The following FBXL7 variants were observed in gnomAD, a reference collection of about 807,000 sequenced individuals.
FBXL7 encodes the protein F-box/LRR-repeat protein 7.
A neutral mutation model predicts 38.3 loss-of-function variants in FBXL7; 12 were observed. That is an observed-to-expected ratio of 0.31 (90% CI 0.20 to 0.51). The LOEUF is 0.51. Ranked by LOEUF, FBXL7 falls within the 20% of genes least tolerant of loss-of-function variation. The pLI is 0.98. For missense variants in FBXL7, 567 were observed against 676.4 expected, an observed-to-expected ratio of 0.84 and a Z score of 1.79; for synonymous variants, 297 against 300.9, an observed-to-expected ratio of 0.99 and a Z score of 0.13.
At chr5:15,923,204 G>A (rs189731285) in intron 2 of FBXL7, among the ~76,000 whole-genome samples, 1 of 152,308 alleles carries the variant, frequency 6.6e-6, no homozygotes, top group Non-Finnish European at 1.5e-5. Context: ...AGAATCAGCA[G>A]CTATTGCCAA....
At chr5:15,932,477 C>T (rs190894461) in intron 3 of FBXL7, among the ~76,000 whole-genome samples, 7 of 152,252 alleles carry the variant, frequency 4.6e-5, no homozygotes, top group African/African-American at 1.2e-4. Context: ...ACTGAAGAAA[C>T]GCCGCAGATT....
chr5:15,658,979 T>C (rs909663399), intron 2 of FBXL7, among the ~76,000 whole-genome samples: 2 of 152,142 alleles, frequency 1.3e-5, no homozygotes, highest in African/African-American at 2.4e-5. Context: ...CTGGGACTTC[T>C]TGCCACTGCC....
chr5:15,556,273 G>T (rs189285987), intron 1 of FBXL7, among the ~76,000 whole-genome samples: 18 of 152,150 alleles, frequency 1.2e-4, no homozygotes, highest in African/African-American at 4.3e-4. Flanking sequence ...AGTCCTAATG[G>T]TGTAACTCCC....
intron 2 of FBXL7, among the ~76,000 whole-genome samples, chr5:15,709,234 A>T (rs1224824282): frequency 2.0e-5 from 3 of 152,176 alleles, no homozygotes; most frequent in Non-Finnish European, 4.4e-5. Flanking sequence ...CACTGTGGCC[A>T]TTAAAAATGC....
At chr5:15,751,094 G>A (rs1454727182) in intron 2 of FBXL7, among the ~76,000 whole-genome samples, 2 of 152,062 alleles carry the variant, frequency 1.3e-5, no homozygotes, top group Non-Finnish European at 2.9e-5. Flanking sequence ...CCGTGTTGTG[G>A]TTCCAAGGTG....
intron 2 of FBXL7, among the ~76,000 whole-genome samples, chr5:15,616,936 C>T (rs1269041006): frequency 6.6e-6 from 1 of 152,186 alleles, no homozygotes; most frequent in Non-Finnish European, 1.5e-5. Flanking sequence ...GCCTGCTTTC[C>T]TAAAGTCTGT....
chr5:15,598,952 G>A (rs999207497), intron 1 of FBXL7, among the ~76,000 whole-genome samples: 3 of 152,158 alleles, frequency 2.0e-5, no homozygotes, highest in Non-Finnish European at 4.4e-5. Context: ...TGCATTCAGT[G>A]TACTCTCGTA....
At chr5:15,756,613 T>G (rs1736303077) in intron 2 of FBXL7, among the ~76,000 whole-genome samples, 1 of 152,210 alleles carries the variant, frequency 6.6e-6, no homozygotes, top group African/African-American at 2.4e-5. Flanking sequence ...TGATTCGTTT[T>G]TATTAGCTGT....
chr5:15,688,511 G>C (rs1342754473), intron 2 of FBXL7, among the ~76,000 whole-genome samples: 3 of 152,014 alleles, frequency 2.0e-5, no homozygotes, highest in Non-Finnish European at 2.9e-5. Flanking sequence ...TTAACCATCT[G>C]GTAACTCCAA....
At chr5:15,852,534 G>A (rs546043964) in intron 2 of FBXL7, among the ~76,000 whole-genome samples, 4 of 152,266 alleles carry the variant, frequency 2.6e-5, no homozygotes, top group South Asian at 2.1e-4. Flanking sequence ...TCAGGCATCC[G>A]GTAATTTGTA....
intron 2 of FBXL7, among the ~76,000 whole-genome samples, chr5:15,767,068 A>G (rs1024971649): frequency 6.6e-6 from 1 of 152,116 alleles, no homozygotes; most frequent in Non-Finnish European, 1.5e-5. Context: ...ATAGGCAAAC[A>G]TGTGCCATGG....
rs1006461526 is a variant in FBXL7, at chr5:15,928,961, T to C, written c.739+460T>C. Among the ~76,000 whole-genome samples, 5 of 152,274 alleles carry C rather than the reference T, an allele frequency of 3.3e-5. No homozygotes were observed. The highest frequency in any genetic ancestry group is 1.9e-4 in the East Asian group (1 of 5,160). Reference sequence around the variant, plus strand: ...TCTCACAGTTACTTCAGAGCAACCATAGATAGTGCAAACAGGGTATCTAAG... The same window carrying C: ...TCTCACAGTTACTTCAGAGCAACCACAGATAGTGCAAACAGGGTATCTAAG... On this transcript the variant is annotated intron_variant, in intron 3 of 3. Transcript: ENST00000504595. The surrounding 1 kb of genome is among the most constrained non-coding windows in gnomAD (Gnocchi z 4.0).
At chr5:15,824,960 G>A (rs1738272697) in intron 2 of FBXL7, among the ~76,000 whole-genome samples, 1 of 152,200 alleles carries the variant, frequency 6.6e-6, no homozygotes, top group African/African-American at 2.4e-5. Context: ...AAGCCAGTCT[G>A]TGAATTTCAG....
intron 1 of FBXL7, among the ~76,000 whole-genome samples, chr5:15,571,229 TCTAA>T (rs1189424733): frequency 1.3e-5 from 2 of 152,176 alleles, no homozygotes; most frequent in African/African-American, 4.8e-5. Context: ...GTCAATGGCC[TCTAA>T]CTTTTTTTCT....
chr5:15,619,676 G>A (rs979796636), intron 2 of FBXL7, among the ~76,000 whole-genome samples: 2 of 152,284 alleles, frequency 1.3e-5, no homozygotes, highest in Middle Eastern at 3.4e-3. Flanking sequence ...TTAAAGGTCT[G>A]AATGGTATTG....
chr5:15,609,541 G>T (rs961710817), intron 1 of FBXL7, among the ~76,000 whole-genome samples: 1 of 152,178 alleles, frequency 6.6e-6, no homozygotes, highest in African/African-American at 2.4e-5. Context: ...CTAATGCCAA[G>T]TTCTGACTGT....
In FBXL7 at chr5:15,936,312, T is replaced by G. The variant is rs1226820478; in HGVS notation, c.740-138T>G. 5 of 981,088 alleles carry G rather than the reference T, an allele frequency of 5.1e-6. No individual in the cohort carries two copies. The highest frequency in any genetic ancestry group is 1.7e-5 in the South Asian group (1 of 58,558). The allele number at this position is 981,088 out of a possible 1,614,324, so 60.8% of individuals were successfully genotyped here. A position where few individuals can be genotyped will look rare whatever the true frequency, so the allele number is the denominator to read the frequency against. On this transcript the variant is annotated intron_variant, in intron 3 of 3. Coordinates refer to ENST00000504595, the MANE Select transcript of FBXL7 (RefSeq NM_012304.5). This position sits in a 1 kb window ranked among gnomAD's most constrained non-coding sequence, Gnocchi z 6.0. The stretch of plus-strand genomic sequence containing the variant: ...AACCCATTCTTGCATTTCCTCTCTA[T>G]AGAGACCAAGACAGGAAAGGGTAAC...
chr5:15,859,728 G>A (rs890236260), intron 2 of FBXL7, among the ~76,000 whole-genome samples: 7 of 152,094 alleles, frequency 4.6e-5, no homozygotes, highest in South Asian at 2.1e-4. Flanking sequence ...TCCCTCCCAC[G>A]ACATGTAGGG....
At chr5:15,530,657 A>C (rs1737395971) in intron 1 of FBXL7, among the ~76,000 whole-genome samples, 2 of 152,214 alleles carry the variant, frequency 1.3e-5, no homozygotes, top group South Asian at 4.1e-4. Flanking sequence ...AAAATCAGCA[A>C]AGGGAAAAGG....
Sources: gnomAD v4.1 joint callset for allele counts (sites outside exome capture counted in the v4.1 genomes callset) on GRCh38, gnomAD v4.1.1 for gene constraint, Gnocchi (gnomAD v3.1) non-coding constraint, MANE v1.5 for transcripts, NCBI Gene and HGNC (gene_info 2026-07-23, HGNC 2026-07-21) for gene names.